USP37: variants seen among roughly 807,000 people sequenced by gnomAD.
USP37 encodes the protein ubiquitin specific peptidase 37, also known as ubiquitin carboxyl-terminal hydrolase 37.
A neutral mutation model predicts 124.0 loss-of-function variants in USP37; 27 were observed. That is an observed-to-expected ratio of 0.22 (90% CI 0.16 to 0.30). USP37 has a LOEUF of 0.30. Among genes scored for constraint, USP37 ranks in the 10% least tolerant of loss-of-function variants. The probability of loss-of-function intolerance (pLI) is 1.00; values close to 1 mark genes in which losing one functional copy is unlikely to be tolerated. For synonymous variants in USP37, 365 were observed against 388.0 expected, an observed-to-expected ratio of 0.94 and a Z score of 0.70; for missense variants, 889 against 1,140.4, an observed-to-expected ratio of 0.78 and a Z score of 3.17.
intron 20 of USP37, among the ~76,000 whole-genome samples, chr2:218,468,767 C>T (rs1362737485): frequency 2.6e-5 from 4 of 152,078 alleles, no homozygotes; most frequent in Non-Finnish European, 5.9e-5. Flanking sequence ...AATCTCGGCT[C>T]ACTGCAACCT....
intron 20 of USP37, among the ~76,000 whole-genome samples, chr2:218,467,882 GTTTTTTTTGTT>G (rs1559165728): frequency 6.8e-6 from 1 of 147,742 alleles, no homozygotes; most frequent in Non-Finnish European, 1.5e-5. Flanking sequence ...AACATTTCAT[GTTTTTTTTGTT>G]TTTTTTTTTT....
At chr2:218,561,946 G>T (rs1158604137) in intron 2 of USP37, among the ~76,000 whole-genome samples, 3 of 152,084 alleles carry the variant, frequency 2.0e-5, no homozygotes, top group Non-Finnish European at 4.4e-5. Flanking sequence ...ATGTCTAGAG[G>T]ATTTTTATGT....
At chr2:218,526,849 C>T (rs1311435996) in intron 10 of USP37, among the ~76,000 whole-genome samples, 1 of 124,956 alleles carries the variant, frequency 8.0e-6, no homozygotes, top group Non-Finnish European at 1.6e-5. Flanking sequence ...AGTGCAGTGG[C>T]GCGATCTCGG....
At chr2:218,553,096 C>G (rs1692756717) in intron 5 of USP37, among the ~76,000 whole-genome samples, 1 of 152,224 alleles carries the variant, frequency 6.6e-6, no homozygotes, top group Admixed American at 6.5e-5. Context: ...CCTAATGGCT[C>G]TGGCTAAGAC....
intron 14 of USP37, among the ~76,000 whole-genome samples, chr2:218,489,474 C>A (rs12468043): frequency 0.66 from 100,678 of 151,716 alleles, 33,840 homozygotes; most frequent in East Asian, 0.9. Flanking sequence ...CCTTCTCCCC[C>A]AAAATAACTA....
chr2:218,530,879 T>C (rs1691284507), intron 9 of USP37, among the ~76,000 whole-genome samples: 1 of 152,156 alleles, frequency 6.6e-6, no homozygotes, highest in South Asian at 2.1e-4. Context: ...TAAAGCCTAA[T>C]CCAGGGTAAA....
chr2:218,462,837 G>A (rs560435628), intron 22 of USP37, among the ~76,000 whole-genome samples: 1 of 152,106 alleles, frequency 6.6e-6, no homozygotes, highest in South Asian at 2.1e-4. Flanking sequence ...GAGATATAAA[G>A]GTTACTTCTA....
At chr2:218,539,043 C>T (rs1361843499) in intron 8 of USP37, among the ~76,000 whole-genome samples, 2 of 151,866 alleles carry the variant, frequency 1.3e-5, no homozygotes, top group Non-Finnish European at 2.9e-5. Context: ...TCTCGGCTCA[C>T]TGCAACCTCT....
intron 1 of USP37, among the ~76,000 whole-genome samples, chr2:218,566,931 G>A (rs1693636179): frequency 2.0e-5 from 3 of 152,104 alleles, no homozygotes; most frequent in African/African-American, 7.2e-5. Flanking sequence ...ATTTCGATAT[G>A]GAGAGAAAGA....
intron 21 of USP37, among the ~76,000 whole-genome samples, chr2:218,464,245 T>C (rs1690188669): frequency 6.6e-6 from 1 of 151,992 alleles, no homozygotes; most frequent in Non-Finnish European, 1.5e-5. Flanking sequence ...ATTTCTTTTT[T>C]TTTTTTTGAG....
chr2:218,485,871 G>T, intron 15 of USP37, 128 bp from the exon 16 acceptor site: 2 of 1,004,782 alleles, frequency 2.0e-6, no homozygotes, highest in Non-Finnish European at 2.9e-6. Flanking sequence ...TAAAAATTCT[G>T]TGTCTAGAGC....
chr2:218,491,150 A>G (rs1691919830), intron 14 of USP37, among the ~76,000 whole-genome samples: 1 of 152,236 alleles, frequency 6.6e-6, no homozygotes, highest in African/African-American at 2.4e-5. Context: ...CTGGGATTAC[A>G]GGCATGAGCC....
intron 13 of USP37, among the ~76,000 whole-genome samples, chr2:218,497,361 G>A (rs571827021): frequency 1.3e-5 from 2 of 151,340 alleles, no homozygotes; most frequent in Admixed American, 6.6e-5. Context: ...GTGAGCCACC[G>A]CACCTGGCCT....
rs191879625 is a variant in USP37 at position 218,511,369 on chromosome 2, C to T, written c.864-1229G>A. Among the ~76,000 whole-genome samples the T allele has an allele frequency of 3.9e-3, 587 of 152,152 alleles. 4 individuals carry two copies. The highest frequency in any genetic ancestry group is 0.014 in the Middle Eastern group (4 of 294). The stretch of plus-strand genomic sequence containing the variant: ...TGTTGCCCAAGCTGGTGTGCAATGG[C>T]GCAATCTCGGCTCACTGCAACCTCC... On this transcript the variant is annotated intron_variant, in intron 10 of 25. Transcript: ENST00000258399.
At chr2:218,556,103 C>T (rs926793812) in intron 4 of USP37, among the ~76,000 whole-genome samples, 4 of 152,146 alleles carry the variant, frequency 2.6e-5, no homozygotes, top group African/African-American at 9.7e-5. Flanking sequence ...ATTCTTGGCT[C>T]CTTAGAACTT....
intron 20 of USP37, among the ~76,000 whole-genome samples, chr2:218,471,044 T>C (rs572949193): frequency 6.6e-6 from 1 of 152,182 alleles, no homozygotes; most frequent in Non-Finnish European, 1.5e-5. Flanking sequence ...AATAAGAAAG[T>C]ATTACAAAAC....
intron 11 of USP37, among the ~76,000 whole-genome samples, chr2:218,508,267 GT>G (rs746724978): frequency 1.2e-3 from 174 of 142,978 alleles, no homozygotes; most frequent in African/African-American, 4.6e-3. Flanking sequence ...TTTCTACTCA[GT>G]TTTTTTTTCT....
chr2:218,509,623 T>A (rs1177707864), intron 11 of USP37, among the ~76,000 whole-genome samples: 1 of 152,056 alleles, frequency 6.6e-6, no homozygotes, highest in Non-Finnish European at 1.5e-5. Context: ...ATTACTACAG[T>A]TATTATACTA....
intron 16 of USP37, 115 bp from the exon 17 acceptor site, chr2:218,482,349 C>A: frequency 8.7e-7 from 1 of 1,155,398 alleles, no homozygotes; most frequent in Non-Finnish European, 1.2e-6. Context: ...TCCATTTGGC[C>A]AAACCAAAGA....
Sources: allele counts gnomAD v4.1 joint callset (sites outside exome capture counted in the v4.1 genomes callset), GRCh38; gene constraint gnomAD v4.1.1; transcripts MANE v1.5; gene names NCBI Gene and HGNC (gene_info 2026-07-23, HGNC 2026-07-21).